Variants in GPC6 observed in about 807,000 individuals in gnomAD.
GPC6 encodes glypican-6.
Under a neutral mutation model 55.2 loss-of-function variants are expected in GPC6, and 14 were observed. That is an observed-to-expected ratio of 0.25 (90% CI 0.17 to 0.40). GPC6 has a LOEUF of 0.40. Ranked by LOEUF, GPC6 falls within the 10% of genes least tolerant of loss-of-function variation. The pLI, the probability that GPC6 is intolerant of heterozygous loss-of-function variation, is 1.00. For synonymous variants in GPC6, 278 were observed against 259.6 expected (o/e 1.07, Z -0.68); for missense variants, 641 against 708.5 (o/e 0.90, Z 1.08).
intron 2 of GPC6, among the ~76,000 whole-genome samples, chr13:93,769,513 A>G (rs1885224433): frequency 1.3e-5 from 2 of 151,574 alleles, no homozygotes; most frequent in African/African-American, 4.8e-5. Context: ...CTTTCTCCAC[A>G]GCTTTCCCTT....
chr13:94,373,517 AAG>A (rs1468145211), intron 6 of GPC6, among the ~76,000 whole-genome samples: 1 of 152,196 alleles, frequency 6.6e-6, no homozygotes, highest in Non-Finnish European at 1.5e-5. Context: ...TTAGAGAAAA[AAG>A]AATAAAAAGA....
chr13:94,164,499 C>T (rs1888281600), intron 4 of GPC6, among the ~76,000 whole-genome samples: 1 of 152,176 alleles, frequency 6.6e-6, no homozygotes, highest in East Asian at 1.9e-4. Context: ...ACATACATCT[C>T]TGGATAGAAG....
At chr13:94,129,322 T>C (rs1394861131) in intron 4 of GPC6, among the ~76,000 whole-genome samples, 6 of 152,098 alleles carry the variant, frequency 3.9e-5, no homozygotes, top group Non-Finnish European at 8.8e-5. Flanking sequence ...CTCGCCTCTC[T>C]ATAAGCAGGG....
chr13:94,278,873 T>G (rs138774813), intron 4 of GPC6, among the ~76,000 whole-genome samples: 2,347 of 152,338 alleles, frequency 0.015, 31 homozygotes, highest in East Asian at 0.038. Context: ...TCGATGTTCA[T>G]CAGGGATATT....
chr13:94,380,219 A>G (rs1880099299), intron 6 of GPC6, among the ~76,000 whole-genome samples: 1 of 152,222 alleles, frequency 6.6e-6, no homozygotes, highest in African/African-American at 2.4e-5. Flanking sequence ...ATGGGACAGA[A>G]TAAACCTGAC....
At chr13:93,991,178 C>T (rs917675741) in intron 3 of GPC6, among the ~76,000 whole-genome samples, 2 of 151,576 alleles carry the variant, frequency 1.3e-5, no homozygotes, top group Non-Finnish European at 2.9e-5. Context: ...GTGAAAAATT[C>T]CAAATCACTA....
At position 93,600,314 on chromosome 13, in the gene GPC6, A is replaced by G. The variant is rs146919648; in HGVS notation, c.319+54893A>G. 1.9e-3 allele frequency among the ~76,000 whole-genome samples: 290 copies of G among 152,330 alleles called. 2 individuals carry two copies. Among genetic ancestry groups the G allele is most frequent in the African/African-American group, 6.4e-3 (267 of 41,584 alleles). On this transcript the variant is annotated intron_variant, in intron 2 of 8. Coordinates refer to ENST00000377047, the MANE Select transcript of GPC6 (RefSeq NM_005708.5). ...AATTAATGCTAAGTGGCATGTTGCT[A>G]ATATAATTACAATTGAGGTTTTCAG...
At chr13:94,067,172 A>T (rs1047082988) in intron 4 of GPC6, among the ~76,000 whole-genome samples, 15 of 152,340 alleles carry the variant, frequency 9.8e-5, no homozygotes, top group African/African-American at 3.6e-4. Context: ...TTCCAAAGTT[A>T]TCAGGGACTG....
At chr13:94,163,871 A>G (rs1888256978) in intron 4 of GPC6, among the ~76,000 whole-genome samples, 1 of 152,190 alleles carries the variant, frequency 6.6e-6, no homozygotes, top group Non-Finnish European at 1.5e-5. Flanking sequence ...AACTAGAGGC[A>G]GGACTTAGGA....
chr13:93,546,846 AAAAC>A (rs1220208394), intron 2 of GPC6, among the ~76,000 whole-genome samples: 6 of 152,154 alleles, frequency 3.9e-5, no homozygotes, highest in Non-Finnish European at 5.9e-5. Context: ...TGTCTCTGGG[AAAAC>A]AAACAAACAA....
intron 4 of GPC6, among the ~76,000 whole-genome samples, chr13:94,115,995 G>T (rs1341871201): frequency 6.6e-6 from 1 of 151,964 alleles, no homozygotes; most frequent in African/African-American, 2.4e-5. Flanking sequence ...TAGAAATATT[G>T]TAAGGACTCA....
intron 2 of GPC6, among the ~76,000 whole-genome samples, chr13:93,767,638 C>T (rs1885163868): frequency 6.6e-6 from 1 of 152,052 alleles, no homozygotes; most frequent in South Asian, 2.1e-4. Flanking sequence ...TAAGCACATA[C>T]TCTGTTTCAT....
At chr13:94,371,497 T>G (rs9516405) in intron 6 of GPC6, among the ~76,000 whole-genome samples, 6,424 of 152,256 alleles carry the variant, frequency 0.042, 211 homozygotes, top group Non-Finnish European at 0.068. Context: ...TTTTAGCCTT[T>G]CTAAGGCCTG....
chr13:93,985,689 C>CAAAAAAAAAA (rs34003218), intron 3 of GPC6, among the ~76,000 whole-genome samples: 2 of 69,398 alleles, frequency 2.9e-5, no homozygotes, highest in African/African-American at 1.3e-4. Context: ...AAGACCTGGC[C>CAAAAAAAAAA]AAAAAAAAAA....
intron 1 of GPC6, among the ~76,000 whole-genome samples, chr13:93,315,544 A>AT (rs1238482324): frequency 1.3e-5 from 2 of 151,862 alleles, no homozygotes; most frequent in East Asian, 3.9e-4. Context: ...ATGATTAACT[A>AT]TTTTTTTGAC....
intron 4 of GPC6, among the ~76,000 whole-genome samples, chr13:94,171,981 A>T (rs1888583720): frequency 6.6e-6 from 1 of 152,198 alleles, no homozygotes; most frequent in African/African-American, 2.4e-5. Flanking sequence ...CGTGGAATTG[A>T]TGAGCATTTT....
At chr13:93,222,814 T>C (rs1875657636), upstream of GPC6, among the ~76,000 whole-genome samples, 1 of 152,176 alleles carries the variant, frequency 6.6e-6, no homozygotes. Context: ...TATTTATTGA[T>C]TATTTAACAA....
chr13:94,143,459 T>A (rs139712789), intron 4 of GPC6, among the ~76,000 whole-genome samples: 5 of 152,226 alleles, frequency 3.3e-5, no homozygotes, highest in Non-Finnish European at 1.5e-5. Flanking sequence ...TAGTCAAAAA[T>A]CATATTAAAT....
chr13:93,979,605 G>T (rs1002327152), intron 3 of GPC6, among the ~76,000 whole-genome samples: 2 of 151,914 alleles, frequency 1.3e-5, no homozygotes, highest in Admixed American at 1.3e-4. Flanking sequence ...ACTTACAGCC[G>T]CTTGATATTG....
Sources: gnomAD v4.1 joint callset for allele counts (sites outside exome capture counted in the v4.1 genomes callset) on GRCh38, gnomAD v4.1.1 for gene constraint, MANE v1.5 for transcripts, NCBI Gene and HGNC (gene_info 2026-07-23, HGNC 2026-07-21) for gene names.